LILRA2: variants seen among roughly 807,000 people sequenced by gnomAD.
LILRA2 encodes the protein leukocyte immunoglobulin like receptor A2, also known as leukocyte immunoglobulin-like receptor subfamily A member 2.
LILRA2 carries 45 observed loss-of-function variants against 47.9 expected under a neutral mutation model. That is an observed-to-expected ratio of 0.94 (90% CI 0.74 to 1.20). The LOEUF is 1.20. Among genes scored for constraint, LILRA2 ranks in the 50% most tolerant of loss-of-function variants. LILRA2 has a pLI of 0.00. For missense variants in LILRA2, 651 were observed against 598.2 expected, an observed-to-expected ratio of 1.09 and a Z score of -0.92; for synonymous variants, 279 against 249.2, an observed-to-expected ratio of 1.12 and a Z score of -1.13.
In LILRA2 at chr19:54,587,432, A is replaced by G. The variant is rs2062848110; in HGVS notation, c.*86A>G. On this transcript the variant is annotated 3_prime_UTR_variant, in exon 8 of 8. Transcript: ENST00000391738. Reference sequence around the variant, plus strand: ...CCCAGGAGGCTCTGGAGGACAATCTAGGACCTACATTATCTGGACTGTATG... The same window carrying G: ...CCCAGGAGGCTCTGGAGGACAATCTGGGACCTACATTATCTGGACTGTATG... The G allele has an allele frequency of 1.9e-6, 3 of 1,582,366 alleles. No homozygotes were observed. Among genetic ancestry groups the G allele is most frequent in the Non-Finnish European group, 2.6e-6 (3 of 1,162,618 alleles).
chr19:54,577,800 T>C, intron 6 of LILRA2: 9 of 963,780 alleles, frequency 9.3e-6, no homozygotes, highest in Non-Finnish European at 1.2e-5. Context: ...CCTTTGTTAC[T>C]TTTTTTCTAA....
At chr19:54,580,197 C>CTTTTTTTT (rs1286721953) in intron 6 of LILRA2, among the ~76,000 whole-genome samples, 1 of 133,428 alleles carries the variant, frequency 7.5e-6, no homozygotes, top group Non-Finnish European at 1.5e-5. Context: ...GTTTTCTTTT[C>CTTTTTTTT]TTTTTTTTTT....
At chr19:54,574,132 C>G (rs556803288) in intron 2 of LILRA2, 21 bp downstream of exon 2, 15 of 1,614,158 alleles carry the variant, frequency 9.3e-6, no homozygotes, top group Non-Finnish European at 1.2e-5. Flanking sequence ...TCCCAGCTGT[C>G]CCAGGTCCCT....
chr19:54,574,983 C>CGT lies in LILRA2; in HGVS notation c.605_606insGT (p.Pro203PhefsTer39). On this transcript the variant is annotated frameshift_variant, in exon 4 of 8. Transcript: ENST00000391738. LOFTEE classifies it high-confidence loss of function. ...AGGTGCTATGCTTATGACTCGAACT[C>CGT]TCCCTATGTGTGGTCTCTACCCAGT... 6.2e-7 allele frequency: 1 copy of CGT among 1,614,248 alleles called. No individual in the cohort carries two copies. The highest frequency in any genetic ancestry group is 8.5e-7 in the Non-Finnish European group (1 of 1,180,022).
Position 54,574,977 on chromosome 19 carries a change from C to A in LILRA2, c.599C>A (p.Ser200Ter), listed in dbSNP as rs369853004. The change falls in exon 4 of 8, where the codon TCG (serine) becomes TAG (stop). Residue 200 changes from serine (S) to a stop codon, truncating the protein, a stop_gained. Transcript: ENST00000391738. LOFTEE classifies it high-confidence loss of function. Reference protein sequence around the residue: ...RWSYRCYAYDSNSPYVWSLPS... With the variant: ...RWSYRCYAYD ...TCGTACAGGTGCTATGCTTATGACTCGAACTCTCCCTATGTGTGGTCTCTA... is the reference window on the plus strand; with the variant it reads ...TCGTACAGGTGCTATGCTTATGACTAGAACTCTCCCTATGTGTGGTCTCTA... 30 of 1,614,136 alleles carry A rather than the reference C, an allele frequency of 1.9e-5. No homozygotes were observed. The highest frequency in any genetic ancestry group is 2.5e-5 in the Non-Finnish European group (30 of 1,179,990).
At chr19:54,577,554 TCTGA>T (rs1465912265) in intron 6 of LILRA2, 6 of 1,289,614 alleles carry the variant, frequency 4.7e-6, no homozygotes, top group South Asian at 2.5e-5. Flanking sequence ...CTCGGTGGGA[TCTGA>T]CTGTGATGAG....
intron 6 of LILRA2, among the ~76,000 whole-genome samples, chr19:54,581,840 A>ATAGGAGTGGTGAG: frequency 6.6e-6 from 1 of 151,898 alleles, no homozygotes; most frequent in African/African-American, 2.4e-5. Flanking sequence ...GGAACCAAAA[A>ATAGGAGTGGTGAG]AGAGCCCGCA....
rs1834698 is a variant in LILRA2 at position 54,574,303 on chromosome 19, C to A, written c.73C>A (p.His25Asn). The A allele has an allele frequency of 3.8e-3, 6,100 of 1,611,352 alleles. 5 individuals are homozygous for A. In the African/African-American group the frequency reaches 0.071, roughly 19 times the overall value. The change falls in exon 3 of 8, where the codon CAC (histidine) becomes AAC (asparagine). Residue 25 changes from histidine to asparagine, a missense_variant and splice_region_variant. His to Asn is a moderately conservative substitution (Grantham distance 68). Coordinates refer to ENST00000391738, the MANE Select transcript of LILRA2 (RefSeq NM_001130917.3). ...LGPRTHVQAG[H>N]LPKPTLWAEP... Reference sequence around the variant, plus strand: ...TCCGACCTCTGATTTCCTTCCAGGGCACCTCCCCAAGCCCACCCTCTGGGC... The same window carrying A: ...TCCGACCTCTGATTTCCTTCCAGGGAACCTCCCCAAGCCCACCCTCTGGGC...
chr19:54,577,470 C>G (rs2062500000), intron 6 of LILRA2: 1 of 1,283,492 alleles, frequency 7.8e-7, no homozygotes, highest in African/African-American at 1.5e-5. Flanking sequence ...CCAAGAGCCC[C>G]TGAGTATAAG....
In LILRA2 at chr19:54,575,491, T is replaced by C. The variant is rs751043103; in HGVS notation, c.891T>C (p.Ser297=). The change falls in exon 5 of 8, where the codon AGT becomes AGC. Residue 297 remains serine (S), a synonymous_variant. Transcript: ENST00000391738. ...PSHGGQYRCY[S]AHNLSSEWSA... is the part of the protein sequence containing the mutation. ...ACGGGGGCCAGTACAGATGCTACAGTGCACACAACCTCTCCTCCGAGTGGT... is the reference window on the plus strand; with the variant it reads ...ACGGGGGCCAGTACAGATGCTACAGCGCACACAACCTCTCCTCCGAGTGGT... 1.1e-5 allele frequency: 18 copies of C among 1,613,064 alleles called. No individual in the cohort carries two copies. Among genetic ancestry groups the C allele is most frequent in the Admixed American group, 1.7e-5 (1 of 60,000 alleles).
chr19:54,574,279 C>T (rs1348252003), intron 2 of LILRA2, 22 bp from the exon 3 acceptor site: 2 of 1,613,954 alleles, frequency 1.2e-6, no homozygotes, highest in South Asian at 1.1e-5. Context: ...GACTTAGAAT[C>T]CGACCTCTGA....
At chr19:54,581,568 G>A (rs2062633796) in intron 6 of LILRA2, among the ~76,000 whole-genome samples, 1 of 149,732 alleles carries the variant, frequency 6.7e-6, no homozygotes, top group African/African-American at 2.5e-5. Flanking sequence ...CTATATCTCT[G>A]TTTTGGTACC....
rs2062884238 is a variant in LILRA2, at chr19:54,589,181, G to C, written c.*1835G>C. On this transcript the variant is annotated 3_prime_UTR_variant, in exon 8 of 8. Coordinates refer to ENST00000391738, the MANE Select transcript of LILRA2 (RefSeq NM_001130917.3). Reference sequence around the variant, plus strand: ...ATTAGGACTCATCCTAATTCGTTATGATCCCTTGATCATAACTTAAATGCA... The same window carrying C: ...ATTAGGACTCATCCTAATTCGTTATCATCCCTTGATCATAACTTAAATGCA... The C allele has an allele frequency of 6.6e-6, 1 of 151,724 alleles. No individual in the cohort carries two copies. The highest frequency in any genetic ancestry group is 2.1e-4 in the South Asian group (1 of 4,804). 9.4% of individuals were successfully genotyped at this position (151,724 alleles called of 1,614,324 possible). A position where few individuals can be genotyped will look rare whatever the true frequency, so the allele number is the denominator to read the frequency against.
At chr19:54,581,359 C>A (rs1443046906) in intron 6 of LILRA2, among the ~76,000 whole-genome samples, 1 of 61,700 alleles carries the variant, frequency 1.6e-5, no homozygotes, top group Non-Finnish European at 3.1e-5. Flanking sequence ...ATCTTTATTC[C>A]ATCTTGAATT....
At chr19:54,577,733 C>T in intron 6 of LILRA2, 1 of 1,223,884 alleles carries the variant, frequency 8.2e-7, no homozygotes, top group Non-Finnish European at 1.0e-6. Context: ...GGCAAGTATT[C>T]ACAGCACGTC....
Position 54,574,131 on chromosome 19 carries a change from T to C in LILRA2, c.70+20T>C. 6.2e-7 allele frequency: 1 copy of C among 1,614,148 alleles called. No homozygotes were observed. Among genetic ancestry groups the C allele is most frequent in the Non-Finnish European group, 8.5e-7 (1 of 1,180,052 alleles). On this transcript the variant is annotated intron_variant, in intron 2 of 7. Coordinates refer to ENST00000391738, the MANE Select transcript of LILRA2 (RefSeq NM_001130917.3). ...AGGCAGGTGAGTCTGTTCCCAGCTGTCCCAGGTCCCTCCTCCTCACTAGGG... is the reference window on the plus strand; with the variant it reads ...AGGCAGGTGAGTCTGTTCCCAGCTGCCCCAGGTCCCTCCTCCTCACTAGGG...
chr19:54,575,298 T>C lies in LILRA2; in HGVS notation c.698T>C (p.Met233Thr), dbSNP rs771833409. Residue 233 changes from methionine to threonine, a missense_variant, in exon 5 of 8, where the codon ATG becomes ACG. Physicochemically the swap from Met to Thr is moderately conservative, Grantham distance 81. Coordinates refer to ENST00000391738, the MANE Select transcript of LILRA2 (RefSeq NM_001130917.3). Reference sequence around the variant, plus strand: ...TCACTCTCAGTGCAGCCAGGTCCTATGGTGGCCCCTGGGGAGAGCCTGACC... The same window carrying C: ...TCACTCTCAGTGCAGCCAGGTCCTACGGTGGCCCCTGGGGAGAGCCTGACC... Reference protein sequence around the residue: ...KPSLSVQPGPMVAPGESLTLQ... With the variant: ...KPSLSVQPGPTVAPGESLTLQ... 1.4e-5 allele frequency: 22 copies of C among 1,613,828 alleles called. No individual in the cohort carries two copies. The highest frequency in any genetic ancestry group is 2.2e-5 in the South Asian group (2 of 91,088).
intron 6 of LILRA2, among the ~76,000 whole-genome samples, chr19:54,576,319 G>A (rs1170316898): frequency 6.7e-6 from 1 of 150,226 alleles, no homozygotes; most frequent in East Asian, 2.0e-4. Context: ...AGGGCTGGGA[G>A]GAGACGGGGG....
rs148442973 is a variant in LILRA2 at position 54,575,948 on chromosome 19, T to C, written c.1094T>C (p.Leu365Pro). The change falls in exon 6 of 8, where the codon CTG (leucine) becomes CCG (proline). Residue 365 changes from leucine to proline, a missense_variant. Transcript: ENST00000391738. ...LTKEGAGHPP[L>P]HLRSEHQAQQ... is the part of the protein sequence containing the mutation. ...AAGGAGGGGGCAGGCCATCCCCCAC[T>C]GCATCTGAGATCAGAGCACCAAGCT... 6.2e-7 allele frequency: 1 copy of C among 1,613,732 alleles called. No homozygotes were observed. The highest frequency in any genetic ancestry group is 8.5e-7 in the Non-Finnish European group (1 of 1,179,950).
Sources: gnomAD v4.1 joint callset for allele counts (sites outside exome capture counted in the v4.1 genomes callset) on GRCh38, gnomAD v4.1.1 for gene constraint, MANE v1.5 for transcripts, NCBI Gene and HGNC (gene_info 2026-07-23, HGNC 2026-07-21) for gene names.